The following FBXW8 variants were observed in gnomAD, a reference collection of about 807,000 sequenced individuals.
FBXW8 encodes F-box and WD repeat domain containing 8, also known as F-box/WD repeat-containing protein 8.
Under a neutral mutation model 65.3 loss-of-function variants are expected in FBXW8, and 57 were observed. The ratio of observed to expected loss-of-function variants is 0.87; its 90% confidence interval spans 0.71 to 1.09. The LOEUF (loss-of-function observed/expected upper bound fraction) is 1.09. Ranked by LOEUF, FBXW8 falls within the 50% of genes least tolerant of loss-of-function variation. The probability of loss-of-function intolerance (pLI) is 0.00; values close to 1 mark genes in which losing one functional copy is unlikely to be tolerated. For missense variants in FBXW8, 777 were observed against 814.8 expected, an observed-to-expected ratio of 0.95 and a Z score of 0.57; for synonymous variants, 308 against 330.2, an observed-to-expected ratio of 0.93 and a Z score of 0.73.
intron 7 of FBXW8, among the ~76,000 whole-genome samples, chr12:116,999,578 C>G (rs1953458385): frequency 6.6e-6 from 1 of 152,176 alleles, no homozygotes; most frequent in African/African-American, 2.4e-5. Flanking sequence ...CACCTTTATA[C>G]TCTTGTGGCA....
At chr12:116,949,771 C>T (rs1883159630) in intron 4 of FBXW8, 65 bp downstream of exon 4, 4 of 1,421,648 alleles carry the variant, frequency 2.8e-6, no homozygotes, top group Middle Eastern at 1.8e-4. Flanking sequence ...TCATACCACC[C>T]TCTGAGTACC....
At chr12:116,926,771 C>T (rs1881354774) in intron 1 of FBXW8, among the ~76,000 whole-genome samples, 1 of 152,054 alleles carries the variant, frequency 6.6e-6, no homozygotes, top group African/African-American at 2.4e-5. Flanking sequence ...TGGCCTTCAT[C>T]CTTTGCACTG....
Position 117,030,235 on chromosome 12 carries a change from G to A in FBXW8, c.*2063G>A, listed in dbSNP as rs906023475. 1 of 152,166 alleles carries A rather than the reference G, an allele frequency of 6.6e-6. No homozygotes were observed. Among genetic ancestry groups the A allele is most frequent in the African/African-American group, 2.4e-5 (1 of 41,444 alleles). The allele number at this position is 152,166 out of a possible 1,614,324, so 9.4% of individuals were successfully genotyped here. ...AGGGGAACGGAGCAGATAGAGCTGC[G>A]ACTGGGAAGCGTCACCTTCCCGTCC... On this transcript the variant is annotated 3_prime_UTR_variant, in exon 11 of 11. Coordinates refer to ENST00000652555, the MANE Select transcript of FBXW8 (RefSeq NM_153348.3).
At chr12:117,024,503 T>G (rs1013850792) in intron 9 of FBXW8, among the ~76,000 whole-genome samples, 183 bp downstream of exon 9, 2 of 152,234 alleles carry the variant, frequency 1.3e-5, no homozygotes, top group Non-Finnish European at 2.9e-5. Context: ...GGAAACAGGC[T>G]TGGAAATGGC....
At chr12:117,019,834 C>A (rs1954046425) in intron 8 of FBXW8, among the ~76,000 whole-genome samples, 1 of 152,152 alleles carries the variant, frequency 6.6e-6, no homozygotes, top group Admixed American at 6.5e-5. Flanking sequence ...TCTTTCTTCT[C>A]CAAGGTAATT....
chr12:116,920,991 G>A (rs535013012), intron 1 of FBXW8, among the ~76,000 whole-genome samples: 1 of 152,164 alleles, frequency 6.6e-6, no homozygotes, highest in Non-Finnish European at 1.5e-5. Context: ...GACTAAAAGG[G>A]GGCTCAAAGC....
chr12:116,925,308 C>G (rs1881235929), intron 1 of FBXW8, among the ~76,000 whole-genome samples: 1 of 152,078 alleles, frequency 6.6e-6, no homozygotes, highest in South Asian at 2.1e-4. Flanking sequence ...GGAAGGGACT[C>G]AGCTGTGAGT....
rs1279021504 is a variant in FBXW8, at chr12:117,024,236, G to A, written c.1457G>A (p.Trp486Ter). The A allele has an allele frequency of 5.6e-6, 9 of 1,614,098 alleles. No homozygotes were observed. Among genetic ancestry groups the A allele is most frequent in the Non-Finnish European group, 6.8e-6 (8 of 1,180,048 alleles). Residue 486 changes from tryptophan to a stop codon, truncating the protein, a stop_gained, in exon 9 of 11, where the codon TGG becomes TAG. Transcript: ENST00000652555. LOFTEE classifies it high-confidence loss of function. ...GTCTCTGCTGTGCAGATGGATGACT[G>A]GAAGATCGTCAGTGGAGGCGAGGAA... ...LRVSAVQMDD[W>*]KIVSGGEEGL...
At position 117,001,327 on chromosome 12, in the gene FBXW8, AGTGAT is replaced by A. The variant is rs775402100; in HGVS notation, c.1240-8995_1240-8991del. 1.9e-4 allele frequency among the ~76,000 whole-genome samples: 29 copies of A among 152,054 alleles called. 2 individuals are homozygous for A. Among genetic ancestry groups the A allele is most frequent in the Admixed American group, 6.5e-4 (10 of 15,280 alleles). On this transcript the variant is annotated intron_variant, in intron 7 of 10. Transcript: ENST00000652555. Reference sequence around the variant, plus strand: ...GTCTCCCCCTGGGGCTATTTGTTTCAGTGATCTGATTTTAGCTGCCTGCCTGCCCT... The same window carrying A: ...GTCTCCCCCTGGGGCTATTTGTTTCACTGATTTTAGCTGCCTGCCTGCCCT...
intron 5 of FBXW8, among the ~76,000 whole-genome samples, chr12:116,967,370 G>A (rs1382396777): frequency 2.0e-5 from 3 of 152,204 alleles, no homozygotes; most frequent in Admixed American, 6.5e-5. Flanking sequence ...TTGAACAAAT[G>A]CCAGGATGGA....
chr12:116,937,752 T>C (rs190853977), intron 2 of FBXW8, among the ~76,000 whole-genome samples: 3 of 152,200 alleles, frequency 2.0e-5, no homozygotes, highest in Non-Finnish European at 4.4e-5. Context: ...GTAGACTTGA[T>C]GTGTGAACCT....
In FBXW8 at chr12:116,931,011, T is replaced by C. The variant is rs113637261; in HGVS notation, c.423+2884T>C. 3.2e-3 allele frequency among the ~76,000 whole-genome samples: 488 copies of C among 152,322 alleles called. 4 individuals carry two copies. Among genetic ancestry groups the C allele is most frequent in the African/African-American group, 0.011 (464 of 41,586 alleles). On this transcript the variant is annotated intron_variant, in intron 2 of 10. Coordinates refer to ENST00000652555, the MANE Select transcript of FBXW8 (RefSeq NM_153348.3). ...TTTGTAAGGACAGGGTCTTGCTTTGTTACCCAGGCTAGTCTCGAACTCCTG... is the reference window on the plus strand; with the variant it reads ...TTTGTAAGGACAGGGTCTTGCTTTGCTACCCAGGCTAGTCTCGAACTCCTG...
chr12:117,017,094 G>A (rs928644589), intron 8 of FBXW8, among the ~76,000 whole-genome samples: 6 of 152,228 alleles, frequency 3.9e-5, no homozygotes, highest in Non-Finnish European at 7.3e-5. Flanking sequence ...TGTCAGGCAT[G>A]TTGAATAGTG....
chr12:116,992,431 T>C (rs1953265519), intron 7 of FBXW8, among the ~76,000 whole-genome samples: 1 of 151,998 alleles, frequency 6.6e-6, no homozygotes, highest in African/African-American at 2.4e-5. Context: ...TTTTGTTTTT[T>C]TTTTAATTCG....
At chr12:116,912,550 C>T (rs915696178) in intron 1 of FBXW8, among the ~76,000 whole-genome samples, 13 of 151,366 alleles carry the variant, frequency 8.6e-5, no homozygotes, top group Non-Finnish European at 1.9e-4. Context: ...AGTTCCGCCT[C>T]CTAGGTTCAC....
intron 7 of FBXW8, among the ~76,000 whole-genome samples, chr12:117,005,939 C>T (rs922096042): frequency 6.6e-6 from 1 of 152,212 alleles, no homozygotes; most frequent in Non-Finnish European, 1.5e-5. Context: ...TCCACTCAGC[C>T]CAGCACAGCA....
At chr12:117,008,996 G>C (rs1464280897) in intron 7 of FBXW8, among the ~76,000 whole-genome samples, 1 of 152,180 alleles carries the variant, frequency 6.6e-6, no homozygotes, top group Non-Finnish European at 1.5e-5. Context: ...GAACCCGGGA[G>C]GCGGAGCTTG....
chr12:116,932,687 C>G (rs758841455), intron 2 of FBXW8, among the ~76,000 whole-genome samples: 2 of 152,152 alleles, frequency 1.3e-5, no homozygotes, highest in African/African-American at 2.4e-5. Flanking sequence ...AGGTGCGCCA[C>G]CATGCCCAGC....
At chr12:116,975,585 C>T (rs938797211) in intron 5 of FBXW8, among the ~76,000 whole-genome samples, 6 of 152,078 alleles carry the variant, frequency 3.9e-5, no homozygotes, top group Non-Finnish European at 7.3e-5. Context: ...ATTATCACTC[C>T]GTAAGAGAAA....
Sources: allele counts gnomAD v4.1 joint callset (sites outside exome capture counted in the v4.1 genomes callset), GRCh38; gene constraint gnomAD v4.1.1; transcripts MANE v1.5; gene names NCBI Gene and HGNC (gene_info 2026-07-23, HGNC 2026-07-21).